The following GSE1 variants were observed in gnomAD, a reference collection of about 807,000 sequenced individuals.
GSE1 encodes genetic suppressor element 1.
Under a neutral mutation model 112.6 loss-of-function variants are expected in GSE1, and 32 were observed. The ratio of observed to expected loss-of-function variants is 0.28; its 90% CI spans 0.21 to 0.38. The LOEUF (loss-of-function observed/expected upper bound fraction) is 0.38. Ranked by LOEUF, GSE1 falls within the 10% of genes least tolerant of loss-of-function variation. The probability of loss-of-function intolerance (pLI) is 1.00; values close to 1 mark genes in which losing one functional copy is unlikely to be tolerated. For missense variants in GSE1, 2,348 were observed against 1,699.2 expected, an observed-to-expected ratio of 1.38 and a Z score of -6.71; for synonymous variants, 1,115 against 735.6, an observed-to-expected ratio of 1.52 and a Z score of -8.35.
chr16:85,411,877 G>A (rs1199583380), intron 2 of GSE1, among the ~76,000 whole-genome samples: 1 of 15,904 alleles, frequency 6.3e-5, no homozygotes, highest in African/African-American at 1.9e-4. Context: ...CAGGCCCCCC[G>A]GATAATCCTC....
chr16:85,398,309 A>G (rs1170584475), intron 2 of GSE1, among the ~76,000 whole-genome samples: 1 of 152,156 alleles, frequency 6.6e-6, no homozygotes, highest in Non-Finnish European at 1.5e-5. Context: ...AAAACCTGGG[A>G]CACTGAGGCC....
chr16:85,598,969 A>T (rs1598331140), intron 1 of GSE1, among the ~76,000 whole-genome samples: 1 of 152,028 alleles, frequency 6.6e-6, no homozygotes, highest in Non-Finnish European at 1.5e-5. Flanking sequence ...CCTGCTCCAT[A>T]CCCTCCTCTC....
At chr16:85,227,549 G>A (rs1049073108) in intron 1 of GSE1, among the ~76,000 whole-genome samples, 2 of 152,236 alleles carry the variant, frequency 1.3e-5, no homozygotes, top group African/African-American at 2.4e-5. Flanking sequence ...AGAGTGTGGC[G>A]AGCATGGGAA....
chr16:85,621,858 C>T lies in GSE1; in HGVS notation c.7+8460C>T, dbSNP rs550905815. ...CCCACCTCTGCTTACCTGCCCACCTCGGGCTCATTCTTCCCACCCCATACT... is the reference window on the plus strand; with the variant it reads ...CCCACCTCTGCTTACCTGCCCACCTTGGGCTCATTCTTCCCACCCCATACT... On this transcript the variant is annotated intron_variant, in intron 1 of 15. Transcript: ENST00000253458. 1.2e-4 allele frequency among the ~76,000 whole-genome samples: 18 copies of T among 152,298 alleles called. No homozygotes were observed. In the South Asian group the frequency reaches 3.3e-3, roughly 28 times the overall value.
rs114688420 is a variant in GSE1 at position 85,617,188 on chromosome 16, C to T, written c.7+3790C>T. 4.0e-3 allele frequency among the ~76,000 whole-genome samples: 605 copies of T among 152,302 alleles called. 5 individuals are homozygous for T. The highest frequency in any genetic ancestry group is 0.014 in the African/African-American group (562 of 41,564). On this transcript the variant is annotated intron_variant, in intron 1 of 15. Coordinates refer to ENST00000253458, the MANE Select transcript of GSE1 (RefSeq NM_014615.5). ...GCCCCTCCTAACCTGATGCCTCCCT[C>T]GCATCCATACTCCCATGCCCACCCC...
chr16:85,456,639 T>TGTGTGTGTGTGG (rs1491261060), intron 2 of GSE1, among the ~76,000 whole-genome samples: 11 of 143,360 alleles, frequency 7.7e-5, no homozygotes, highest in Admixed American at 6.5e-4. Context: ...TGTGTGTGTG[T>TGTGTGTGTGTGG]GGTCTGCCAT....
chr16:85,549,266 C>T (rs1050420726), intron 2 of GSE1, among the ~76,000 whole-genome samples: 1 of 151,948 alleles, frequency 6.6e-6, no homozygotes. Flanking sequence ...CCTCAATTTC[C>T]TGGGCTCAAG....
chr16:85,255,513 G>A (rs1299397843), intron 1 of GSE1, among the ~76,000 whole-genome samples: 1 of 151,576 alleles, frequency 6.6e-6, no homozygotes, highest in Non-Finnish European at 1.5e-5. Context: ...CCGGGTTCAA[G>A]TGATTCTCCT....
chr16:85,280,863 A>G (rs78778918), intron 1 of GSE1, among the ~76,000 whole-genome samples: 2,983 of 152,290 alleles, frequency 0.02, 94 homozygotes, highest in African/African-American at 0.068. Context: ...AGCCAGTGCA[A>G]GGAGAAGCAG....
chr16:85,464,985 A>T (rs2050084160), intron 2 of GSE1, among the ~76,000 whole-genome samples: 1 of 152,176 alleles, frequency 6.6e-6, no homozygotes, highest in Admixed American at 6.5e-5. Context: ...TTTGCAGGTG[A>T]GGAAACAGTG....
intron 1 of GSE1, among the ~76,000 whole-genome samples, chr16:85,573,539 ACT>A (rs1478232120): frequency 6.6e-6 from 1 of 151,550 alleles, no homozygotes; most frequent in Non-Finnish European, 1.5e-5. Flanking sequence ...GAACTGCCAG[ACT>A]CTCTTCCTGA....
intron 2 of GSE1, among the ~76,000 whole-genome samples, chr16:85,540,433 C>T (rs939097060): frequency 6.6e-6 from 1 of 152,204 alleles, no homozygotes; most frequent in Non-Finnish European, 1.5e-5. Flanking sequence ...GGATCCCCAA[C>T]TTGTGCAAAG....
At chr16:85,435,728 C>T (rs895857356) in intron 2 of GSE1, among the ~76,000 whole-genome samples, 1 of 22,068 alleles carries the variant, frequency 4.5e-5, no homozygotes, top group Non-Finnish European at 8.5e-5. Flanking sequence ...CCTCTCCTGA[C>T]GTCTCCACGC....
chr16:85,655,103 G>A, intron 5 of GSE1, 112 bp downstream of exon 5: 1 of 741,834 alleles, frequency 1.3e-6, no homozygotes. Context: ...CCTAGGGGAG[G>A]GTCTAGAGTA....
intron 2 of GSE1, among the ~76,000 whole-genome samples, chr16:85,513,262 G>A (rs1460553869): frequency 2.0e-5 from 3 of 152,048 alleles, no homozygotes; most frequent in African/African-American, 7.2e-5. Flanking sequence ...TTCCCTCCCG[G>A]CTCAGAGATG....
intron 1 of GSE1, among the ~76,000 whole-genome samples, chr16:85,215,195 C>G (rs1186041550): frequency 1.3e-5 from 2 of 152,188 alleles, no homozygotes; most frequent in Non-Finnish European, 2.9e-5. Context: ...CTCTGAAACC[C>G]TGTGATTTGG....
chr16:85,640,755 A>G (rs1242893948), intron 2 of GSE1, among the ~76,000 whole-genome samples: 1 of 152,214 alleles, frequency 6.6e-6, no homozygotes, highest in Non-Finnish European at 1.5e-5. Context: ...ACAAACACGG[A>G]GGAAGGATCC....
intron 1 of GSE1, chr16:85,284,973 A>G (rs1016164622): frequency 1.3e-5 from 2 of 152,272 alleles, no homozygotes; most frequent in Non-Finnish European, 2.9e-5. Context: ...GCCGCTTACA[A>G]ATAGCACTGT....
chr16:85,173,581 A>C (rs1277289535), intron 1 of GSE1, among the ~76,000 whole-genome samples: 4 of 152,160 alleles, frequency 2.6e-5, no homozygotes, highest in Non-Finnish European at 4.4e-5. Context: ...TGCCAGTTTT[A>C]TACCTGGCAG....
Sources: gnomAD v4.1 joint callset for allele counts (sites outside exome capture counted in the v4.1 genomes callset) on GRCh38, gnomAD v4.1.1 for gene constraint, MANE v1.5 for transcripts, NCBI Gene and HGNC (gene_info 2026-07-23, HGNC 2026-07-21) for gene names.